The following RAPGEF1 variants were observed in gnomAD, a reference collection of about 807,000 sequenced individuals.
The protein encoded by RAPGEF1 is Rap guanine nucleotide exchange factor 1, also known as CRK SH3-binding GNRP.
Under a neutral mutation model 143.3 loss-of-function variants are expected in RAPGEF1, and 33 were observed. The observed-to-expected ratio is 0.23, with a 90% confidence interval of 0.17 to 0.31. The LOEUF (loss-of-function observed/expected upper bound fraction) is 0.31. Ranked by LOEUF, RAPGEF1 falls within the 10% of genes least tolerant of loss-of-function variation. RAPGEF1 has a pLI of 1.00. For synonymous variants in RAPGEF1, 629 were observed against 676.5 expected, an observed-to-expected ratio of 0.93 and a Z score of 1.09; for missense variants, 1,199 against 1,645.4, an observed-to-expected ratio of 0.73 and a Z score of 4.69.
rs756905802 is a variant in RAPGEF1, at chr9:131,584,361, G to C, written c.3364C>G (p.Leu1122Val). The C allele has an allele frequency of 3.7e-6, 6 of 1,613,818 alleles. No homozygotes were observed. The South Asian group carries it at 6.6e-5, about 18-fold the overall frequency. The change falls in exon 24 of 27, where the codon CTG becomes GTG. Residue 1122 changes from leucine to valine, a missense_variant. Transcript: ENST00000683357. This position sits in a 1 kb window ranked among gnomAD's most constrained non-coding sequence, Gnocchi z 6.8. ...FNSYLAILSALDSAPIRRLEW... is the reference protein window; with the variant it reads ...FNSYLAILSAVDSAPIRRLEW... ...AGCCTGCGGATGGGCGCCGAGTCCAGGGCAGAGAGGATGGCCAAGTAGGAG... is the reference window on the plus strand; with the variant it reads ...AGCCTGCGGATGGGCGCCGAGTCCACGGCAGAGAGGATGGCCAAGTAGGAG...
intron 1 of RAPGEF1, among the ~76,000 whole-genome samples, chr9:131,666,623 T>A (rs1342136715): frequency 6.6e-6 from 1 of 151,964 alleles, no homozygotes; most frequent in East Asian, 1.9e-4. Flanking sequence ...GACCTCAAGT[T>A]ATCTGCCCAC....
At chr9:131,715,423 C>T (rs553403873) in intron 1 of RAPGEF1, among the ~76,000 whole-genome samples, 1 of 151,902 alleles carries the variant, frequency 6.6e-6, no homozygotes, top group African/African-American at 2.4e-5. Flanking sequence ...AGGGGAAGGC[C>T]GGGGGTCAGA....
chr9:131,621,931 T>G lies in RAPGEF1; in HGVS notation c.1770A>C (p.Pro590=), dbSNP rs752566598. Residue 590 remains proline, a synonymous_variant, in exon 11 of 27, where the codon CCA becomes CCC. Transcript: ENST00000683357. This position sits in a 1 kb window ranked among gnomAD's most constrained non-coding sequence, Gnocchi z 4.5. ...TCTGCTGGTAGATGTGCTCGTTCTGTGGCGTCTGGTAGAACATAGAGGGCT... is the reference window on the plus strand; with the variant it reads ...TCTGCTGGTAGATGTGCTCGTTCTGGGGCGTCTGGTAGAACATAGAGGGCT... ...EPQPSMFYQT[P]QNEHIYQQKN... 1.2e-6 allele frequency: 2 copies of G among 1,613,840 alleles called. No individual in the cohort carries two copies. Among genetic ancestry groups the G allele is most frequent in the South Asian group, 2.2e-5 (2 of 91,032 alleles).
At chr9:131,684,354 G>A (rs7469510) in intron 1 of RAPGEF1, among the ~76,000 whole-genome samples, 13,370 of 152,220 alleles carry the variant, frequency 0.088, 732 homozygotes, top group East Asian at 0.26. Flanking sequence ...TGCGGTGATG[G>A]GCATTCCAGC....
chr9:131,682,336 C>T (rs974611375), intron 1 of RAPGEF1, among the ~76,000 whole-genome samples: 3 of 152,232 alleles, frequency 2.0e-5, no homozygotes, highest in African/African-American at 4.8e-5. Flanking sequence ...GGGCCCGTCC[C>T]GGGCCCCGTT....
intron 1 of RAPGEF1, among the ~76,000 whole-genome samples, chr9:131,673,938 A>C (rs1831837304): frequency 6.6e-6 from 1 of 152,244 alleles, no homozygotes; most frequent in Non-Finnish European, 1.5e-5. Context: ...GATAATAAAA[A>C]TATGGAACTC....
intron 1 of RAPGEF1, among the ~76,000 whole-genome samples, chr9:131,737,808 CAA>C (rs1227373070): frequency 6.6e-6 from 1 of 151,888 alleles, no homozygotes; most frequent in East Asian, 1.9e-4. Context: ...ACTAAAAATA[CAA>C]AAAAATTTGC....
At chr9:131,612,057 G>A (rs1340768049) in intron 12 of RAPGEF1, among the ~76,000 whole-genome samples, 1 of 152,198 alleles carries the variant, frequency 6.6e-6, no homozygotes, top group Non-Finnish European at 1.5e-5. Flanking sequence ...GCCCTCGATA[G>A]GGAAACAGTA....
chr9:131,581,223 G>T (rs1951820489), intron 25 of RAPGEF1, among the ~76,000 whole-genome samples: 1 of 151,468 alleles, frequency 6.6e-6, no homozygotes, highest in Admixed American at 6.6e-5. Flanking sequence ...GCAAGACCTC[G>T]TCCCTACAAA....
chr9:131,666,091 C>G (rs1005385743), intron 1 of RAPGEF1, among the ~76,000 whole-genome samples: 1 of 152,192 alleles, frequency 6.6e-6, no homozygotes, highest in South Asian at 2.1e-4. Context: ...ACAGCTATGA[C>G]ATTCAGTCTA....
chr9:131,706,562 A>G (rs1189520023), intron 1 of RAPGEF1, among the ~76,000 whole-genome samples: 1 of 152,146 alleles, frequency 6.6e-6, no homozygotes, highest in Non-Finnish European at 1.5e-5. Flanking sequence ...GAGCCACTGC[A>G]TCCAGTGTGC....
intron 3 of RAPGEF1, among the ~76,000 whole-genome samples, chr9:131,647,430 C>T (rs1271557643): frequency 6.6e-6 from 1 of 152,164 alleles, no homozygotes; most frequent in Non-Finnish European, 1.5e-5. Flanking sequence ...GAAGTGGCAG[C>T]GAATCTGAAT....
chr9:131,651,377 G>A (rs1018079791), intron 1 of RAPGEF1, among the ~76,000 whole-genome samples: 3 of 152,138 alleles, frequency 2.0e-5, no homozygotes, highest in African/African-American at 7.2e-5. Context: ...CATGTGCAAG[G>A]CTCTGGAGTT....
chr9:131,650,340 T>C lies in RAPGEF1; in HGVS notation c.202-98A>G. ...AAGTCAATAGCTGTTTCAACATATCTGGCTTGACTGGCCCTGCTGAGGCCA... is the reference window on the plus strand; with the variant it reads ...AAGTCAATAGCTGTTTCAACATATCCGGCTTGACTGGCCCTGCTGAGGCCA... On this transcript the variant is annotated intron_variant, in intron 2 of 26. Transcript: ENST00000683357. The surrounding 1 kb of genome is among the most constrained non-coding windows in gnomAD (Gnocchi z 4.7). The C allele has an allele frequency of 1.2e-6, 1 of 857,562 alleles. No homozygotes were observed. Among genetic ancestry groups the C allele is most frequent in the Non-Finnish European group, 1.8e-6 (1 of 548,394 alleles). 53.1% of individuals were successfully genotyped at this position (857,562 alleles called of 1,614,324 possible). A position where few individuals can be genotyped will look rare whatever the true frequency, so the allele number is the denominator to read the frequency against.
At position 131,579,418 on chromosome 9, in the gene RAPGEF1, A is replaced by T. The variant is rs975074402; in HGVS notation, c.*79T>A. ...AGGCCGGGACTCCTGCCATGCGCCT[A>T]ACAGGTCCAAGGTCCTCTCCGGTCT... On this transcript the variant is annotated 3_prime_UTR_variant, in exon 27 of 27. Coordinates refer to ENST00000683357, the MANE Select transcript of RAPGEF1 (RefSeq NM_001377935.1). 1 of 1,533,602 alleles carries T rather than the reference A, an allele frequency of 6.5e-7. No individual in the cohort carries two copies. Among genetic ancestry groups the T allele is most frequent in the African/African-American group, 1.4e-5 (1 of 72,358 alleles). 95.0% of individuals were successfully genotyped at this position (1,533,602 alleles called of 1,614,324 possible).
At chr9:131,599,273 A>T (rs1955855306) in intron 15 of RAPGEF1, among the ~76,000 whole-genome samples, 1 of 151,910 alleles carries the variant, frequency 6.6e-6, no homozygotes, top group Admixed American at 6.6e-5. Context: ...TACAGGCACA[A>T]GCCACCATGC....
intron 1 of RAPGEF1, among the ~76,000 whole-genome samples, chr9:131,663,300 T>C (rs1011726924): frequency 6.6e-6 from 1 of 152,208 alleles, no homozygotes; most frequent in Non-Finnish European, 1.5e-5. Flanking sequence ...GCACACGTTA[T>C]AACACATCTC....
chr9:131,622,685 T>G (rs1200398811), intron 10 of RAPGEF1, among the ~76,000 whole-genome samples: 2 of 152,012 alleles, frequency 1.3e-5, no homozygotes, highest in African/African-American at 4.8e-5. Context: ...TTGTAAAAGA[T>G]GCACAGGAAG....
At chr9:131,716,005 C>A (rs1446463880) in intron 1 of RAPGEF1, among the ~76,000 whole-genome samples, 1 of 152,130 alleles carries the variant, frequency 6.6e-6, no homozygotes, top group Non-Finnish European at 1.5e-5. Flanking sequence ...CATTGCAGTG[C>A]TCTCCCACAG....
Sources: allele counts gnomAD v4.1 joint callset (sites outside exome capture counted in the v4.1 genomes callset), GRCh38; gene constraint gnomAD v4.1.1; non-coding constraint Gnocchi (gnomAD v3.1); transcripts MANE v1.5; gene names NCBI Gene and HGNC (gene_info 2026-07-23, HGNC 2026-07-21).